Variants in GCSAML observed in about 807,000 individuals in gnomAD.
The protein encoded by GCSAML is germinal center-associated signaling and motility-like protein.
Under a neutral mutation model 13.0 loss-of-function variants are expected in GCSAML, and 9 were observed. The ratio of observed to expected loss-of-function variants is 0.69; its 90% CI spans 0.42 to 1.21. The LOEUF (loss-of-function observed/expected upper bound fraction) is 1.21, where lower values mean the gene tolerates loss of function less well. GCSAML is among the 50% of genes most tolerant of loss of function. The probability of loss-of-function intolerance (pLI) is 0.00; values close to 1 mark genes in which losing one functional copy is unlikely to be tolerated. For missense variants in GCSAML, 143 were observed against 153.4 expected (o/e 0.93, Z 0.36); for synonymous variants, 37 against 52.9 (o/e 0.70, Z 1.31).
rs1668765935 is a variant in GCSAML at position 247,574,639 on chromosome 1, A to T, written c.*257A>T. The T allele has an allele frequency of 7.0e-6, 3 of 426,006 alleles. No individual in the cohort carries two copies. Among genetic ancestry groups the T allele is most frequent in the East Asian group, 3.9e-5 (1 of 25,888 alleles). 26.4% of individuals were successfully genotyped at this position (426,006 alleles called of 1,614,324 possible). Reference sequence around the variant, plus strand: ...TAAAGTTTGAGGACATGGAGGTGATAAAAAAAACTTTCTTAGGACAATAAT... The same window carrying T: ...TAAAGTTTGAGGACATGGAGGTGATTAAAAAAACTTTCTTAGGACAATAAT... On this transcript the variant is annotated 3_prime_UTR_variant, in exon 5 of 5. Coordinates refer to ENST00000366488, the MANE Select transcript of GCSAML (RefSeq NM_145278.5).
At chr1:247,552,075 T>C (rs1572350256) in intron 1 of GCSAML, among the ~76,000 whole-genome samples, 1 of 151,968 alleles carries the variant, frequency 6.6e-6, no homozygotes, top group African/African-American at 2.4e-5. Flanking sequence ...GGAAAAGAGG[T>C]TCTGGTTTCT....
upstream of GCSAML, among the ~76,000 whole-genome samples, chr1:247,546,444 C>T (rs964197242): frequency 2.9e-4 from 44 of 152,188 alleles, no homozygotes; most frequent in African/African-American, 4.8e-4. Flanking sequence ...CTGCAAACTC[C>T]GCCTTCCGGG....
At chr1:247,564,786 C>T (rs1234894175) in intron 3 of GCSAML, among the ~76,000 whole-genome samples, 3 of 152,068 alleles carry the variant, frequency 2.0e-5, no homozygotes, top group African/African-American at 4.8e-5. Context: ...CTATTCAATC[C>T]GTGGTGCTGG....
intron 4 of GCSAML, among the ~76,000 whole-genome samples, chr1:247,569,938 GGT>G (rs1668535924): frequency 6.6e-6 from 1 of 152,128 alleles, no homozygotes; most frequent in Non-Finnish European, 1.5e-5. Flanking sequence ...AGTCTTGGAA[GGT>G]GTGTGTGTCC....
chr1:247,532,057 C>T (rs1455483239), intron 2 of GCSAML: 2 of 1,613,898 alleles, frequency 1.2e-6, no homozygotes, highest in South Asian at 1.1e-5. Flanking sequence ...GGTCAGACCC[C>T]CCAGCCAGGA....
intron 2 of GCSAML, among the ~76,000 whole-genome samples, chr1:247,544,033 C>T (rs1274432168): frequency 1.3e-5 from 2 of 152,078 alleles, no homozygotes; most frequent in East Asian, 3.8e-4. Context: ...CAATGGGCAC[C>T]AGAGCATTGA....
chr1:247,513,219 A>T (rs1323765563), intron 1 of GCSAML, among the ~76,000 whole-genome samples: 1 of 152,158 alleles, frequency 6.6e-6, no homozygotes, highest in Non-Finnish European at 1.5e-5. Context: ...AGAGAGGAGC[A>T]ATCTAGAGAG....
upstream of GCSAML, among the ~76,000 whole-genome samples, chr1:247,545,265 C>T (rs1253442978): frequency 6.6e-6 from 1 of 152,234 alleles, no homozygotes; most frequent in Non-Finnish European, 1.5e-5. Context: ...CCATGCCTTG[C>T]AGGACTGACT....
chr1:247,517,562 T>C (rs1377090343), intron 1 of GCSAML, among the ~76,000 whole-genome samples: 1 of 152,234 alleles, frequency 6.6e-6, no homozygotes, highest in Non-Finnish European at 1.5e-5. Flanking sequence ...ATTATTTACT[T>C]ATTTCTGAAA....
At chr1:247,569,495 T>C (rs1379802143) in intron 4 of GCSAML, among the ~76,000 whole-genome samples, 3 of 152,238 alleles carry the variant, frequency 2.0e-5, no homozygotes, top group African/African-American at 7.2e-5. Context: ...TCTTTCTGTT[T>C]AATAGATTAC....
intron 4 of GCSAML, 49 bp from the exon 5 acceptor site, chr1:247,574,094 T>G (rs751777921): frequency 6.2e-7 from 1 of 1,603,848 alleles, no homozygotes; most frequent in East Asian, 2.2e-5. Flanking sequence ...TGAGTTCAAT[T>G]TATGAATGAC....
Position 247,574,628 on chromosome 1 carries a change from A to G in GCSAML, c.*246A>G. The G allele has an allele frequency of 2.2e-6, 1 of 459,726 alleles. No homozygotes were observed. Among genetic ancestry groups the G allele is most frequent in the Non-Finnish European group, 3.8e-6 (1 of 262,970 alleles). 28.5% of individuals were successfully genotyped at this position (459,726 alleles called of 1,614,324 possible). A position where few individuals can be genotyped will look rare whatever the true frequency, so the allele number is the denominator to read the frequency against. On this transcript the variant is annotated 3_prime_UTR_variant, in exon 5 of 5. Coordinates refer to ENST00000366488, the MANE Select transcript of GCSAML (RefSeq NM_145278.5). ...GTTTTTGCTTGTAAAGTTTGAGGACATGGAGGTGATAAAAAAAACTTTCTT... is the reference window on the plus strand; with the variant it reads ...GTTTTTGCTTGTAAAGTTTGAGGACGTGGAGGTGATAAAAAAAACTTTCTT...
At chr1:247,537,752 A>C (rs548915522) in intron 2 of GCSAML, among the ~76,000 whole-genome samples, 1 of 152,166 alleles carries the variant, frequency 6.6e-6, no homozygotes, top group South Asian at 2.1e-4. Flanking sequence ...AGCAGCTAAT[A>C]ATGTTGTGCA....
intron 1 of GCSAML, among the ~76,000 whole-genome samples, chr1:247,517,766 A>G (rs763089791): frequency 2.2e-4 from 33 of 152,170 alleles, no homozygotes; most frequent in Non-Finnish European, 3.8e-4. Flanking sequence ...TGGGTGGTGG[A>G]ATGGATCCTC....
chr1:247,552,259 C>A (rs1667802207), intron 1 of GCSAML, among the ~76,000 whole-genome samples: 1 of 152,184 alleles, frequency 6.6e-6, no homozygotes, highest in Non-Finnish European at 1.5e-5. Context: ...TCATCAGGAA[C>A]AACCAAAATG....
chr1:247,537,391 G>A (rs1440857432), intron 2 of GCSAML, among the ~76,000 whole-genome samples: 1 of 152,178 alleles, frequency 6.6e-6, no homozygotes, highest in East Asian at 1.9e-4. Flanking sequence ...GGGTTAGTTT[G>A]TTGATGAACA....
intron 1 of GCSAML, 93 bp downstream of exon 1, chr1:247,549,313 T>G (rs1667689862): frequency 9.0e-7 from 1 of 1,116,564 alleles, no homozygotes; most frequent in Admixed American, 1.9e-5. Flanking sequence ...TGAGGTACAT[T>G]GTGCTTCTAG....
Position 247,574,390 on chromosome 1 carries a change from A to AAGCTGCTTT in GCSAML, c.*10_*18dup. Reference sequence around the variant, plus strand: ...GTTGTGTTTCCACACTAAAATCCTCAAGCTGCTTTATCACCTTCCAGCAAT... The same window carrying AAGCTGCTTT: ...GTTGTGTTTCCACACTAAAATCCTCAAGCTGCTTTAGCTGCTTTATCACCTTCCAGCAAT... On this transcript the variant is annotated 3_prime_UTR_variant, in exon 5 of 5. Transcript: ENST00000366488. 2 of 1,613,422 alleles carry AAGCTGCTTT rather than the reference A, an allele frequency of 1.2e-6. No individual in the cohort carries two copies. Among genetic ancestry groups the AAGCTGCTTT allele is most frequent in the Non-Finnish European group, 1.7e-6 (2 of 1,179,624 alleles).
chr1:247,568,930 TTGTATTG>T (rs1428767054), intron 4 of GCSAML, among the ~76,000 whole-genome samples: 2 of 152,120 alleles, frequency 1.3e-5, no homozygotes, highest in East Asian at 1.9e-4. Context: ...TTTATTCTCT[TTGTATTG>T]TGAATACAAA....
Sources: gnomAD v4.1 joint callset for allele counts (sites outside exome capture counted in the v4.1 genomes callset) on GRCh38, gnomAD v4.1.1 for gene constraint, MANE v1.5 for transcripts, NCBI Gene and HGNC (gene_info 2026-07-23, HGNC 2026-07-21) for gene names.